Variants in EPB41L4A observed in about 807,000 individuals in gnomAD.
The protein encoded by EPB41L4A is band 4.1-like protein 4A.
A neutral mutation model predicts 108.6 loss-of-function variants in EPB41L4A; 100 were observed. That is an observed-to-expected ratio of 0.92 (90% CI 0.78 to 1.09). The LOEUF (loss-of-function observed/expected upper bound fraction) is 1.09. Among genes scored for constraint, EPB41L4A ranks in the 50% least tolerant of loss-of-function variants. The probability of loss-of-function intolerance (pLI) is 0.00; values close to 1 mark genes in which losing one functional copy is unlikely to be tolerated. For synonymous variants in EPB41L4A, 319 were observed against 289.0 expected (o/e 1.10, Z -1.05); for missense variants, 1,030 against 842.7 (o/e 1.22, Z -2.75).
intron 1 of EPB41L4A, among the ~76,000 whole-genome samples, chr5:112,339,533 TATATATATA>T (rs1757167790): frequency 3.7e-5 from 4 of 108,460 alleles, no homozygotes; most frequent in Middle Eastern, 4.6e-3. Flanking sequence ...TATATCTATA[TATATATATA>T]TTTTTTTTTT....
At chr5:112,268,696 A>T (rs567946615) in intron 4 of EPB41L4A, among the ~76,000 whole-genome samples, 1 of 151,906 alleles carries the variant, frequency 6.6e-6, no homozygotes, top group East Asian at 1.9e-4. Flanking sequence ...ACAAAAAACA[A>T]ATTAGCCAGC....
At chr5:112,204,749 CAAT>C (rs1362618859) in intron 14 of EPB41L4A, 1 of 333,864 alleles carries the variant, frequency 3.0e-6, no homozygotes, top group African/African-American at 2.0e-5. Context: ...ACACAAATAA[CAAT>C]AACAATTCAT....
At chr5:112,320,750 A>G (rs1022041079) in intron 1 of EPB41L4A, among the ~76,000 whole-genome samples, 1 of 152,198 alleles carries the variant, frequency 6.6e-6, no homozygotes, top group African/African-American at 2.4e-5. Context: ...TAGTGATGGG[A>G]AGATCAGGAA....
chr5:112,352,767 C>T (rs182003426), intron 1 of EPB41L4A, among the ~76,000 whole-genome samples: 1 of 152,258 alleles, frequency 6.6e-6, no homozygotes, highest in Non-Finnish European at 1.5e-5. Flanking sequence ...TGTGTTATAT[C>T]TCACCAACCT....
chr5:112,262,804 A>C (rs971143136), intron 6 of EPB41L4A, among the ~76,000 whole-genome samples: 1 of 152,240 alleles, frequency 6.6e-6, no homozygotes, highest in African/African-American at 2.4e-5. Flanking sequence ...ATTCTGGCTC[A>C]TTATAGCCTA....
chr5:112,189,417 C>T (rs145071409), intron 17 of EPB41L4A, among the ~76,000 whole-genome samples: 2 of 152,208 alleles, frequency 1.3e-5, no homozygotes, highest in African/African-American at 2.4e-5. Flanking sequence ...CTCAAAGCCA[C>T]AGAATTCTTC....
chr5:112,368,499 T>A (rs1457530111), intron 1 of EPB41L4A, among the ~76,000 whole-genome samples: 1 of 152,152 alleles, frequency 6.6e-6, no homozygotes, highest in Admixed American at 6.5e-5. Flanking sequence ...TATAAGTCTT[T>A]CCAGCTACCA....
downstream of EPB41L4A, among the ~76,000 whole-genome samples, chr5:112,157,875 T>C (rs1183688981): frequency 6.6e-6 from 1 of 152,212 alleles, no homozygotes; most frequent in Non-Finnish European, 1.5e-5. Context: ...GCACTACCAC[T>C]GTGTGGCTTG....
At chr5:112,384,081 G>A (rs10428628) in intron 1 of EPB41L4A, among the ~76,000 whole-genome samples, 268 of 152,272 alleles carry the variant, frequency 1.8e-3, no homozygotes, top group African/African-American at 6.3e-3. Context: ...GAGACAGGAA[G>A]TAGGTTAGGA....
At chr5:112,221,456 T>G (rs868291296) in intron 12 of EPB41L4A, among the ~76,000 whole-genome samples, 14 of 152,332 alleles carry the variant, frequency 9.2e-5, no homozygotes, top group Middle Eastern at 3.4e-3. Context: ...CTTGGACAAG[T>G]TATTAAACTA....
intron 19 of EPB41L4A, 25 bp from the exon 20 acceptor site, chr5:112,170,394 G>C (rs1320776467): frequency 1.3e-5 from 18 of 1,436,488 alleles, no homozygotes; most frequent in Non-Finnish European, 1.7e-5. Context: ...GCAAGAAAAT[G>C]ATAGTTGTGG....
At chr5:112,230,347 G>A (rs957737568) in intron 12 of EPB41L4A, among the ~76,000 whole-genome samples, 1 of 152,090 alleles carries the variant, frequency 6.6e-6, no homozygotes, top group Non-Finnish European at 1.5e-5. Flanking sequence ...ATTCCAACCA[G>A]CAGTGTAAAA....
intron 2 of EPB41L4A, among the ~76,000 whole-genome samples, chr5:112,302,027 T>C (rs1416110388): frequency 1.3e-5 from 2 of 152,120 alleles, no homozygotes; most frequent in Non-Finnish European, 2.9e-5. Context: ...TCATAAATTT[T>C]TATAAAGGTA....
At chr5:112,419,768 C>A (rs1315223412), upstream of EPB41L4A, 1 of 456,634 alleles carries the variant, frequency 2.2e-6, no homozygotes, top group Non-Finnish European at 4.4e-6. Context: ...CCCAGACCAG[C>A]GAGGGGAGGT....
intron 2 of EPB41L4A, among the ~76,000 whole-genome samples, chr5:112,300,205 C>T (rs1397780275): frequency 1.3e-5 from 2 of 149,632 alleles, no homozygotes; most frequent in Non-Finnish European, 3.0e-5. Context: ...TGCCTGTATA[C>T]CTTGTTTTTT....
chr5:112,403,799 A>C (rs547403353), intron 1 of EPB41L4A, among the ~76,000 whole-genome samples: 2 of 152,170 alleles, frequency 1.3e-5, no homozygotes, highest in African/African-American at 4.8e-5. Context: ...ATCTCCATCA[A>C]GTGAACAAGG....
chr5:112,144,385 A>G (rs1759173391), intron 13 of EPB41L4A, among the ~76,000 whole-genome samples: 1 of 152,150 alleles, frequency 6.6e-6, no homozygotes, highest in South Asian at 2.1e-4. Context: ...CCCAGGGCTT[A>G]GATGATCCTC....
At chr5:112,229,987 C>CAAAAAAAA (rs71224877) in intron 12 of EPB41L4A, among the ~76,000 whole-genome samples, 5,777 of 76,554 alleles carry the variant, frequency 0.075, 191 homozygotes, top group Middle Eastern at 0.15. Context: ...GACTCTGTCT[C>CAAAAAAAA]AAAAAAAAAA....
At chr5:112,295,630 A>C (rs1397085371) in intron 2 of EPB41L4A, among the ~76,000 whole-genome samples, 1 of 152,210 alleles carries the variant, frequency 6.6e-6, no homozygotes, top group Non-Finnish European at 1.5e-5. Flanking sequence ...AAGACTTTAA[A>C]ATACTGATGT....
Sources: gnomAD v4.1 joint callset for allele counts (sites outside exome capture counted in the v4.1 genomes callset) on GRCh38, gnomAD v4.1.1 for gene constraint, MANE v1.5 for transcripts, NCBI Gene and HGNC (gene_info 2026-07-23, HGNC 2026-07-21) for gene names.